Variants in PACS1 observed in about 807,000 individuals in gnomAD.
PACS1 encodes the protein PACS-1.
Under a neutral mutation model 115.0 loss-of-function variants are expected in PACS1, and 24 were observed. The observed-to-expected ratio is 0.21, with a 90% CI of 0.15 to 0.29. The LOEUF (loss-of-function observed/expected upper bound fraction) is 0.29. Among genes scored for constraint, PACS1 ranks in the 10% least tolerant of loss-of-function variants. The pLI is 1.00. For missense variants in PACS1, 838 were observed against 1,251.2 expected (o/e 0.67, Z 4.98); for synonymous variants, 453 against 504.5 (o/e 0.90, Z 1.37).
At chr11:66,109,618 CCT>C (rs1458574443) in intron 1 of PACS1, among the ~76,000 whole-genome samples, 7 of 152,172 alleles carry the variant, frequency 4.6e-5, no homozygotes, top group Non-Finnish European at 8.8e-5. Context: ...GTTACTCCAG[CCT>C]CTCTCCCCAG....
At chr11:66,196,616 T>C (rs1399401769) in intron 2 of PACS1, among the ~76,000 whole-genome samples, 1 of 151,980 alleles carries the variant, frequency 6.6e-6, no homozygotes, top group Non-Finnish European at 1.5e-5. Context: ...AATTTGACCT[T>C]TTTTTTTGTT....
In PACS1 at chr11:66,103,908, T is replaced by G. The variant is rs572283643; in HGVS notation, c.356+33066T>G. On this transcript the variant is annotated intron_variant, in intron 1 of 23. Transcript: ENST00000320580. ...TTTATTATCAGCTCAGGGGCAGTGCTGTTTTATCTGTGCCCCCATCCCCTC... is the reference window on the plus strand; with the variant it reads ...TTTATTATCAGCTCAGGGGCAGTGCGGTTTTATCTGTGCCCCCATCCCCTC... Among the ~76,000 whole-genome samples the G allele has an allele frequency of 2.3e-3, 357 of 152,254 alleles. 1 individual carries two copies. Among genetic ancestry groups the G allele is most frequent in the Admixed American group, 6.0e-3 (92 of 15,292 alleles).
intron 1 of PACS1, among the ~76,000 whole-genome samples, chr11:66,097,168 A>G (rs1240657027): frequency 6.6e-6 from 1 of 151,880 alleles, no homozygotes; most frequent in African/African-American, 2.4e-5. Context: ...CATGATAAAT[A>G]CCCCCTGGTA....
intron 1 of PACS1, among the ~76,000 whole-genome samples, chr11:66,158,319 CAA>C (rs779319872): frequency 6.6e-6 from 1 of 152,280 alleles, no homozygotes; most frequent in Non-Finnish European, 1.5e-5. Context: ...ATCAAGGAAA[CAA>C]GAGCAGGATG....
At position 66,230,651 on chromosome 11, in the gene PACS1, C is replaced by CTT; in HGVS notation, c.1479_1480insTT (p.Ala494LeufsTer21). On this transcript the variant is annotated frameshift_variant, in exon 12 of 24. Transcript: ENST00000320580. LOFTEE classifies it high-confidence loss of function. ...TCCAGTAAAACGGATCTCCAGGGCTCTGCCTCCCCCAGGTACTGCAGATGG... is the reference window on the plus strand; with the variant it reads ...TCCAGTAAAACGGATCTCCAGGGCTCTTTGCCTCCCCCAGGTACTGCAGATGG... The CTT allele has an allele frequency of 6.2e-7, 1 of 1,613,704 alleles. No homozygotes were observed. The highest frequency in any genetic ancestry group is 8.5e-7 in the Non-Finnish European group (1 of 1,179,554).
chr11:66,105,690 A>G lies in PACS1; in HGVS notation c.356+34848A>G, dbSNP rs193205237. ...AACTTTCCATGCCCTTCCCTGCACT[A>G]TGTACAGAAATAGAATCTTTAATGT... On this transcript the variant is annotated intron_variant, in intron 1 of 23. Coordinates refer to ENST00000320580, the MANE Select transcript of PACS1 (RefSeq NM_018026.4). 2.0e-3 allele frequency among the ~76,000 whole-genome samples: 298 copies of G among 152,306 alleles called. 5 individuals are homozygous for G. Among genetic ancestry groups the G allele is most frequent in the Admixed American group, 0.019 (293 of 15,300 alleles).
At chr11:66,229,680 A>AAAAT (rs1236924951) in intron 11 of PACS1, among the ~76,000 whole-genome samples, 1 of 152,134 alleles carries the variant, frequency 6.6e-6, no homozygotes, top group East Asian at 1.9e-4. Context: ...CTCCGTCTCA[A>AAAAT]AAATAAATAA....
chr11:66,142,464 C>T (rs1435575215), intron 1 of PACS1, among the ~76,000 whole-genome samples: 1 of 151,802 alleles, frequency 6.6e-6, no homozygotes, highest in Non-Finnish European at 1.5e-5. Context: ...TGCCACCACG[C>T]CCAGCTAATT....
chr11:66,125,948 G>A (rs187626977), intron 1 of PACS1, among the ~76,000 whole-genome samples: 9 of 151,906 alleles, frequency 5.9e-5, no homozygotes, highest in Admixed American at 5.9e-4. Context: ...GCTGAGGCAG[G>A]AGAATTGCTT....
At chr11:66,122,074 T>A (rs1251103121) in intron 1 of PACS1, among the ~76,000 whole-genome samples, 1 of 152,072 alleles carries the variant, frequency 6.6e-6, no homozygotes, top group Non-Finnish European at 1.5e-5. Flanking sequence ...ACAGGCTGAC[T>A]CTCTTGTTAG....
intron 1 of PACS1, among the ~76,000 whole-genome samples, chr11:66,119,418 G>A (rs1285502810): frequency 6.6e-6 from 1 of 152,232 alleles, no homozygotes; most frequent in African/African-American, 2.4e-5. Context: ...CTTATGGCCT[G>A]CTAGGCCAGA....
chr11:66,179,456 C>T (rs944259387), intron 1 of PACS1, among the ~76,000 whole-genome samples: 2 of 152,160 alleles, frequency 1.3e-5, no homozygotes, highest in African/African-American at 2.4e-5. Context: ...GGATTACAGA[C>T]GTGAGCCACT....
intron 1 of PACS1, among the ~76,000 whole-genome samples, chr11:66,110,000 A>G (rs996826386): frequency 1.3e-5 from 2 of 152,328 alleles, no homozygotes; most frequent in Middle Eastern, 3.4e-3. Flanking sequence ...ACTTCCTTAC[A>G]TAGTATGCCA....
At chr11:66,072,010 T>G (rs1271406487) in intron 1 of PACS1, among the ~76,000 whole-genome samples, 3 of 152,238 alleles carry the variant, frequency 2.0e-5, no homozygotes, top group African/African-American at 7.2e-5. Context: ...CCCCTCTTCC[T>G]TCTACAAAGG....
At chr11:66,185,341 C>A (rs1369729050) in intron 1 of PACS1, among the ~76,000 whole-genome samples, 2 of 152,078 alleles carry the variant, frequency 1.3e-5, no homozygotes, top group Non-Finnish European at 2.9e-5. Context: ...TTTAAAAGTC[C>A]TTTGGACTCT....
chr11:66,151,407 A>G (rs1347703693), intron 1 of PACS1, among the ~76,000 whole-genome samples: 3 of 152,158 alleles, frequency 2.0e-5, no homozygotes, highest in African/African-American at 4.8e-5. Context: ...ACAAGAACAC[A>G]AAAGTCACAG....
intron 1 of PACS1, among the ~76,000 whole-genome samples, chr11:66,123,189 C>CTTTT (rs36008667): frequency 1.5e-5 from 2 of 137,672 alleles, no homozygotes; most frequent in South Asian, 2.3e-4. Flanking sequence ...AAATTGTTAG[C>CTTTT]TTTTTTTTTT....
At chr11:66,121,178 C>A in intron 1 of PACS1, 1 of 428,700 alleles carries the variant, frequency 2.3e-6, no homozygotes, top group South Asian at 1.6e-5. Flanking sequence ...GTGTTGGTTA[C>A]GGTGATCAGT....
At chr11:66,125,765 C>T (rs552702040) in intron 1 of PACS1, among the ~76,000 whole-genome samples, 228 of 152,256 alleles carry the variant, frequency 1.5e-3, no homozygotes, top group African/African-American at 5.3e-3. Context: ...GCAGGCCGGG[C>T]ATGGTGGCTC....
Sources: gnomAD v4.1 joint callset for allele counts (sites outside exome capture counted in the v4.1 genomes callset) on GRCh38, gnomAD v4.1.1 for gene constraint, MANE v1.5 for transcripts, NCBI Gene and HGNC (gene_info 2026-07-23, HGNC 2026-07-21) for gene names.